The following TXNDC8 variants were observed in gnomAD, a reference collection of about 807,000 sequenced individuals.
The protein encoded by TXNDC8 is thioredoxin domain-containing protein 8.
TXNDC8 carries 15 observed loss-of-function variants against 12.9 expected under a neutral mutation model. The ratio of observed to expected loss-of-function variants is 1.16; its 90% CI spans 0.78 to 1.79. The LOEUF (loss-of-function observed/expected upper bound fraction) is 1.79. Ranked by LOEUF, TXNDC8 falls within the 40% of genes most tolerant of loss-of-function variation. The pLI is 0.00. For missense variants in TXNDC8, 128 were observed against 113.2 expected (o/e 1.13, Z -0.59); for synonymous variants, 40 against 35.4 (o/e 1.13, Z -0.46).
At position 110,333,834 on chromosome 9, in the gene TXNDC8, A is replaced by T. The variant is rs79539951; in HGVS notation, c.129+382T>A. 5.5e-4 allele frequency among the ~76,000 whole-genome samples: 84 copies of T among 152,348 alleles called. 4 individuals carry two copies. The East Asian group carries it at 0.015, about 28-fold the overall frequency. On this transcript the variant is annotated intron_variant, in intron 2 of 4. Coordinates refer to ENST00000423740, the MANE Select transcript of TXNDC8 (RefSeq NM_001286946.2). ...AAGGTTGAAGAATTGGGAGAAATTTATTCTTTTATGTTATATTTAAAAACA... is the reference window on the plus strand; with the variant it reads ...AAGGTTGAAGAATTGGGAGAAATTTTTTCTTTTATGTTATATTTAAAAACA...
Position 110,303,679 on chromosome 9 carries a change from A to G in TXNDC8, c.*3T>C, listed in dbSNP as rs766926565. On this transcript the variant is annotated 3_prime_UTR_variant, in exon 5 of 5. Coordinates refer to ENST00000423740, the MANE Select transcript of TXNDC8 (RefSeq NM_001286946.2). ...ATTTTATTCCTGATTGAAAAGTTAA[A>G]TCCTACTCATTTCCATCATCTGCAA... The G allele has an allele frequency of 6.2e-7, 1 of 1,601,534 alleles. No homozygotes were observed.
chr9:110,331,632 A>T (rs1456593078), intron 2 of TXNDC8, among the ~76,000 whole-genome samples: 2 of 152,002 alleles, frequency 1.3e-5, no homozygotes, highest in African/African-American at 4.8e-5. Context: ...CATGGAAGAC[A>T]TTTTTTTCCC....
intron 3 of TXNDC8, among the ~76,000 whole-genome samples, chr9:110,309,430 T>A (rs1000440093): frequency 2.0e-5 from 3 of 152,104 alleles, no homozygotes; most frequent in African/African-American, 4.8e-5. Flanking sequence ...CTGCCTCCCA[T>A]GTTCAAGTGA....
chr9:110,329,025 T>A (rs1335476751), intron 2 of TXNDC8, among the ~76,000 whole-genome samples: 2 of 152,008 alleles, frequency 1.3e-5, no homozygotes, highest in African/African-American at 4.8e-5. Flanking sequence ...GGAGAGCTAA[T>A]CTTTTTCTTG....
downstream of TXNDC8, among the ~76,000 whole-genome samples, chr9:110,301,396 C>T (rs1838268469): frequency 6.6e-6 from 1 of 152,166 alleles, no homozygotes; most frequent in African/African-American, 2.4e-5. Flanking sequence ...ATGGCATATA[C>T]AGATTTTTAT....
rs757494005 is a variant in TXNDC8, at chr9:110,303,610, C to T, written c.*72G>A. 1.3e-5 allele frequency: 21 copies of T among 1,567,366 alleles called. No homozygotes were observed. Among genetic ancestry groups the T allele is most frequent in the Non-Finnish European group, 1.7e-5 (20 of 1,152,612 alleles). On this transcript the variant is annotated 3_prime_UTR_variant, in exon 5 of 5. Coordinates refer to ENST00000423740, the MANE Select transcript of TXNDC8 (RefSeq NM_001286946.2). Reference sequence around the variant, plus strand: ...TGTTCACAAATGCACAAAGGTGAAACATTTATTGATTCAAGTGCTGCGAAA... The same window carrying T: ...TGTTCACAAATGCACAAAGGTGAAATATTTATTGATTCAAGTGCTGCGAAA...
At chr9:110,335,898 A>C (rs1400866410) in intron 1 of TXNDC8, among the ~76,000 whole-genome samples, 2 of 152,166 alleles carry the variant, frequency 1.3e-5, no homozygotes, top group Non-Finnish European at 2.9e-5. Flanking sequence ...CTGAGTCCCC[A>C]CCCAAATCTC....
intron 1 of TXNDC8, among the ~76,000 whole-genome samples, chr9:110,336,588 A>T (rs1263442164): frequency 2.0e-5 from 3 of 152,184 alleles, no homozygotes; most frequent in African/African-American, 7.2e-5. Context: ...TGAGGCCTAT[A>T]CTATGCCAGC....
downstream of TXNDC8, among the ~76,000 whole-genome samples, chr9:110,301,929 G>T (rs976445588): frequency 6.6e-6 from 1 of 151,916 alleles, no homozygotes; most frequent in Admixed American, 6.6e-5. Context: ...AAACTAGTAT[G>T]TGCTGGTTTC....
At chr9:110,323,091 A>G (rs1031288253) in intron 3 of TXNDC8, 1 of 985,260 alleles carries the variant, frequency 1.0e-6, no homozygotes, top group African/African-American at 1.7e-5. Flanking sequence ...TCACATGTTA[A>G]AAAAGGATGC....
intron 3 of TXNDC8, among the ~76,000 whole-genome samples, chr9:110,321,870 A>G (rs1839109146): frequency 6.6e-6 from 1 of 152,210 alleles, no homozygotes; most frequent in South Asian, 2.1e-4. Flanking sequence ...GCTTAACTGC[A>G]GCTCTGGAGG....
intron 3 of TXNDC8, chr9:110,323,989 T>C (rs1839211371): frequency 1.3e-6 from 2 of 1,550,314 alleles, no homozygotes; most frequent in African/African-American, 1.4e-5. Flanking sequence ...GGTGTAGGCC[T>C]GGAGATGGAG....
chr9:110,322,642 T>C, intron 3 of TXNDC8: 2 of 985,002 alleles, frequency 2.0e-6, no homozygotes, highest in Non-Finnish European at 2.4e-6. Context: ...TAAAATGGAG[T>C]AAAAACTGTT....
At chr9:110,334,346 A>T in intron 1 of TXNDC8, 26 bp from the exon 2 acceptor site, 2 of 1,552,658 alleles carry the variant, frequency 1.3e-6, no homozygotes, top group Non-Finnish European at 1.8e-6. Context: ...AAATGAGGAA[A>T]TGTGCATAAT....
intron 3 of TXNDC8, 127 bp downstream of exon 4, chr9:110,326,048 G>T (rs1839304954): frequency 2.2e-6 from 2 of 899,308 alleles, no homozygotes; most frequent in East Asian, 2.5e-5. Context: ...TGTATGTAGA[G>T]AATTATATTG....
chr9:110,333,063 G>T (rs961732626), intron 2 of TXNDC8, among the ~76,000 whole-genome samples: 4 of 152,150 alleles, frequency 2.6e-5, no homozygotes, highest in Non-Finnish European at 5.9e-5. Flanking sequence ...TATAATGGAG[G>T]TTGCCAGGGA....
chr9:110,321,013 A>G (rs1041874442), intron 3 of TXNDC8, among the ~76,000 whole-genome samples: 7 of 152,234 alleles, frequency 4.6e-5, no homozygotes, highest in Non-Finnish European at 8.8e-5. Flanking sequence ...CAATCTCTGC[A>G]TGAAAACTTC....
chr9:110,318,387 A>C (rs536469552), intron 3 of TXNDC8, among the ~76,000 whole-genome samples: 1 of 152,280 alleles, frequency 6.6e-6, no homozygotes, highest in South Asian at 2.1e-4. Context: ...TATCACTCCT[A>C]TATTTCAACA....
intron 2 of TXNDC8, 146 bp downstream of exon 2, chr9:110,334,070 T>C: frequency 1.7e-6 from 1 of 581,336 alleles, no homozygotes; most frequent in Non-Finnish European, 3.1e-6. Context: ...GATCTCGGTA[T>C]ATTATCTTCA....
Sources: gnomAD v4.1 joint callset for allele counts (sites outside exome capture counted in the v4.1 genomes callset) on GRCh38, gnomAD v4.1.1 for gene constraint, MANE v1.5 for transcripts, NCBI Gene and HGNC (gene_info 2026-07-23, HGNC 2026-07-21) for gene names.